Variants in FOXJ3 observed in about 807,000 individuals in gnomAD.
FOXJ3 encodes the protein forkhead box protein J3.
In FOXJ3, 22 loss-of-function variants were observed where a neutral mutation model predicts 76.1. The ratio of observed to expected loss-of-function variants is 0.29; its 90% CI spans 0.21 to 0.41. The LOEUF is 0.41. Ranked by LOEUF, FOXJ3 falls within the 10% of genes least tolerant of loss-of-function variation. The pLI is 1.00. For missense variants in FOXJ3, 613 were observed against 762.1 expected (o/e 0.80, Z 2.30); for synonymous variants, 269 against 261.2 (o/e 1.03, Z -0.29).
Position 42,188,721 on chromosome 1 carries a change from ATAAC to A in FOXJ3, c.1645+12_1645+15del. 6.9e-7 allele frequency: 1 copy of A among 1,442,544 alleles called. No homozygotes were observed. Among genetic ancestry groups the A allele is most frequent in the Non-Finnish European group, 9.2e-7 (1 of 1,083,986 alleles). The allele number at this position is 1,442,544 out of a possible 1,614,324, so 89.4% of individuals were successfully genotyped here. A position where few individuals can be genotyped will look rare whatever the true frequency, so the allele number is the denominator to read the frequency against. Reference sequence around the variant, plus strand: ...TGAGAAAATGAGAAAAATCAAGAAGATAACTAACCCCATACCTGTTCCAATGTGT... The same window carrying A: ...TGAGAAAATGAGAAAAATCAAGAAGATAACCCCATACCTGTTCCAATGTGT... On this transcript the variant is annotated intron_variant, in intron 11 of 12. Coordinates refer to ENST00000361346, the MANE Select transcript of FOXJ3 (RefSeq NM_014947.5).
intron 12 of FOXJ3, among the ~76,000 whole-genome samples, chr1:42,181,709 A>C (rs1425305128): frequency 6.6e-6 from 1 of 152,226 alleles, no homozygotes; most frequent in Non-Finnish European, 1.5e-5. Context: ...TCCTTGAGGC[A>C]GCCTCATTCA....
At chr1:42,239,114 A>G (rs1418574951) in intron 4 of FOXJ3, among the ~76,000 whole-genome samples, 1 of 152,098 alleles carries the variant, frequency 6.6e-6, no homozygotes, top group East Asian at 1.9e-4. Context: ...ATATATATTG[A>G]TCTTGTATCC....
intron 1 of FOXJ3, among the ~76,000 whole-genome samples, 197 bp from the exon 2 acceptor site, chr1:42,311,307 TCAGA>T (rs1557717055): frequency 6.6e-6 from 1 of 152,016 alleles, no homozygotes; most frequent in African/African-American, 2.4e-5. Flanking sequence ...GGGATTACAC[TCAGA>T]CAGACAGACA....
At chr1:42,286,564 A>G (rs1435217357) in intron 2 of FOXJ3, among the ~76,000 whole-genome samples, 2 of 152,244 alleles carry the variant, frequency 1.3e-5, no homozygotes, top group African/African-American at 4.8e-5. Flanking sequence ...ACACCTTCCA[A>G]CACATAGTAA....
At chr1:42,233,997 AGCATGAAT>A (rs1303289737) in intron 4 of FOXJ3, among the ~76,000 whole-genome samples, 1 of 152,202 alleles carries the variant, frequency 6.6e-6, no homozygotes, top group Non-Finnish European at 1.5e-5. Flanking sequence ...GAGAGTTTTT[AGCATGAAT>A]GGTTGTTGAA....
At chr1:42,195,245 A>C (rs1646629613) in intron 7 of FOXJ3, among the ~76,000 whole-genome samples, 181 bp from the exon 8 acceptor site, 1 of 152,218 alleles carries the variant, frequency 6.6e-6, no homozygotes, top group Admixed American at 6.5e-5. Flanking sequence ...AGCTAAACTG[A>C]ATCTTGAAGA....
At chr1:42,331,160 C>G (rs1656138901) in intron 1 of FOXJ3, among the ~76,000 whole-genome samples, 1 of 152,086 alleles carries the variant, frequency 6.6e-6, no homozygotes, top group Non-Finnish European at 1.5e-5. Flanking sequence ...GCAGGCAGAC[C>G]ACTTGAGGTC....
intron 8 of FOXJ3, 71 bp downstream of exon 8, chr1:42,194,819 G>T: frequency 1.1e-6 from 1 of 930,692 alleles, no homozygotes; most frequent in Non-Finnish European, 1.6e-6. Context: ...TATAACAGCT[G>T]CCATGTGAAA....
chr1:42,262,492 GTATTT>G (rs1389753299), intron 4 of FOXJ3, among the ~76,000 whole-genome samples: 1 of 152,138 alleles, frequency 6.6e-6, no homozygotes, highest in East Asian at 1.9e-4. Flanking sequence ...TCACATAAAT[GTATTT>G]TATAAGACCA....
At chr1:42,235,303 T>A (rs2124492997) in intron 4 of FOXJ3, among the ~76,000 whole-genome samples, 1 of 151,930 alleles carries the variant, frequency 6.6e-6, no homozygotes, top group East Asian at 1.9e-4. Flanking sequence ...CTGTCTGTCA[T>A]CCCTTTCTTT....
intron 9 of FOXJ3, 132 bp downstream of exon 9, chr1:42,191,171 A>T: frequency 1.2e-6 from 1 of 829,838 alleles, no homozygotes; most frequent in Non-Finnish European, 1.8e-6. Flanking sequence ...TAAATGAGTT[A>T]CAACTATAGG....
rs1227751487 is a variant in FOXJ3 at position 42,182,028 on chromosome 1, A to G, written c.1646-4T>C. On this transcript the variant is annotated splice_region_variant and splice_polypyrimidine_tract_variant and intron_variant, in intron 11 of 12. Coordinates refer to ENST00000361346, the MANE Select transcript of FOXJ3 (RefSeq NM_014947.5). ...CTAGAATCTATGTACAAATTTCCTA[A>G]TCAGATTAAAAGCAGAAAGAGGGAA... is the stretch of plus-strand genomic sequence containing the variant. The G allele has an allele frequency of 1.3e-6, 2 of 1,565,730 alleles. No homozygotes were observed. The highest frequency in any genetic ancestry group is 1.8e-6 in the Non-Finnish European group (2 of 1,139,532).
intron 6 of FOXJ3, among the ~76,000 whole-genome samples, chr1:42,205,500 A>T (rs189436704): frequency 2.0e-5 from 3 of 152,144 alleles, no homozygotes; most frequent in Admixed American, 6.5e-5. Flanking sequence ...AATTCTATCA[A>T]TGGGAACTGT....
chr1:42,258,882 T>C (rs1650814034), intron 4 of FOXJ3, among the ~76,000 whole-genome samples: 1 of 152,172 alleles, frequency 6.6e-6, no homozygotes, highest in Admixed American at 6.5e-5. Flanking sequence ...ACCTACATAA[T>C]CCACTCACAA....
chr1:42,235,204 G>T (rs201553373), intron 4 of FOXJ3, among the ~76,000 whole-genome samples: 5,604 of 152,338 alleles, frequency 0.037, 151 homozygotes, highest in Non-Finnish European at 0.053. Flanking sequence ...CTCCGAGCCA[G>T]GCACGGGATA....
At chr1:42,186,675 GGGTACT>G (rs1347208303) in intron 11 of FOXJ3, among the ~76,000 whole-genome samples, 1 of 152,108 alleles carries the variant, frequency 6.6e-6, no homozygotes, top group Non-Finnish European at 1.5e-5. Context: ...AGGAGTGCCT[GGGTACT>G]CTGACAGAGG....
chr1:42,244,059 T>G (rs1283694760), intron 4 of FOXJ3, among the ~76,000 whole-genome samples: 1 of 152,062 alleles, frequency 6.6e-6, no homozygotes, highest in Non-Finnish European at 1.5e-5. Flanking sequence ...AACAAGATGC[T>G]CCTGAATGAC....
chr1:42,247,831 G>A (rs926031878), intron 4 of FOXJ3, among the ~76,000 whole-genome samples: 1 of 152,138 alleles, frequency 6.6e-6, no homozygotes, highest in Non-Finnish European at 1.5e-5. Context: ...CAGCATTTTT[G>A]TTTCAAAGTA....
chr1:42,244,664 AAG>A (rs565422165), intron 4 of FOXJ3, among the ~76,000 whole-genome samples: 252 of 152,092 alleles, frequency 1.7e-3, no homozygotes, highest in African/African-American at 5.8e-3. Flanking sequence ...GAAAAAAAAA[AAG>A]AGAGAAGACC....
Sources: gnomAD v4.1 joint callset for allele counts (sites outside exome capture counted in the v4.1 genomes callset) on GRCh38, gnomAD v4.1.1 for gene constraint, MANE v1.5 for transcripts, NCBI Gene and HGNC (gene_info 2026-07-23, HGNC 2026-07-21) for gene names.